The following DPYD variants were observed in gnomAD, a reference collection of about 807,000 sequenced individuals.
The protein encoded by DPYD is dihydropyrimidine dehydrogenase [NADP(+)].
Under a neutral mutation model 116.2 loss-of-function variants are expected in DPYD, and 109 were observed. That is an observed-to-expected ratio of 0.94 (90% CI 0.80 to 1.10). DPYD has a LOEUF of 1.10. DPYD is among the 50% of genes least tolerant of loss of function. The probability of loss-of-function intolerance (pLI) is 0.00; values close to 1 mark genes in which losing one functional copy is unlikely to be tolerated. For synonymous variants in DPYD, 440 were observed against 432.0 expected (o/e 1.02, Z -0.23); for missense variants, 1,302 against 1,254.5 (o/e 1.04, Z -0.57).
chr1:97,198,238 A>T (rs1658950740), intron 19 of DPYD, among the ~76,000 whole-genome samples: 2 of 152,136 alleles, frequency 1.3e-5, no homozygotes, highest in Admixed American at 1.3e-4. Context: ...CAAAGTCTTA[A>T]GCACTGGCAG....
At chr1:97,198,154 T>G (rs1658944101) in intron 19 of DPYD, among the ~76,000 whole-genome samples, 1 of 152,116 alleles carries the variant, frequency 6.6e-6, no homozygotes, top group Non-Finnish European at 1.5e-5. Context: ...TAGAGTGGGA[T>G]CCTGGAGTGA....
chr1:97,192,564 T>G (rs150893141), intron 20 of DPYD, among the ~76,000 whole-genome samples: 1 of 152,294 alleles, frequency 6.6e-6, no homozygotes, highest in African/African-American at 2.4e-5. Flanking sequence ...GTATATTTCT[T>G]GGAAAATAGC....
intron 18 of DPYD, among the ~76,000 whole-genome samples, chr1:97,265,228 A>T (rs1222050423): frequency 6.6e-6 from 1 of 152,102 alleles, no homozygotes; most frequent in African/African-American, 2.4e-5. Flanking sequence ...ATATTATTGC[A>T]TGATTGGCAC....
chr1:97,775,961 C>G (rs1001436650), intron 3 of DPYD, among the ~76,000 whole-genome samples: 1 of 151,766 alleles, frequency 6.6e-6, no homozygotes, highest in African/African-American at 2.4e-5. Context: ...TTTTTACTTA[C>G]GGTGGGTGCA....
At chr1:97,881,083 T>C (rs1011706847) in intron 2 of DPYD, among the ~76,000 whole-genome samples, 1 of 152,028 alleles carries the variant, frequency 6.6e-6, no homozygotes, top group Non-Finnish European at 1.5e-5. Flanking sequence ...AAGTGTTTGA[T>C]AATTTTAAAG....
intron 12 of DPYD, among the ~76,000 whole-genome samples, chr1:97,547,676 TTTGTTG>T (rs138810296): frequency 0.074 from 11,234 of 152,098 alleles, 578 homozygotes; most frequent in Non-Finnish European, 0.11. Context: ...CTCTCGTTGT[TTTGTTG>T]TTGTTGTTGT....
At chr1:97,796,344 A>AAG (rs1246903153) in intron 3 of DPYD, among the ~76,000 whole-genome samples, 51 of 152,248 alleles carry the variant, frequency 3.3e-4, no homozygotes, top group Middle Eastern at 3.4e-3. Flanking sequence ...ATCACATTAA[A>AAG]CTGATCCTTC....
At chr1:97,861,323 T>A (rs961437622) in intron 2 of DPYD, among the ~76,000 whole-genome samples, 1 of 151,838 alleles carries the variant, frequency 6.6e-6, no homozygotes, top group Non-Finnish European at 1.5e-5. Flanking sequence ...TTGTAAAGAC[T>A]TACCAAGTTT....
chr1:97,532,036 T>C (rs1649663001), intron 12 of DPYD, among the ~76,000 whole-genome samples: 1 of 152,004 alleles, frequency 6.6e-6, no homozygotes, highest in Non-Finnish European at 1.5e-5. Context: ...GTTTTCAGGG[T>C]TTTGTATGTA....
chr1:97,858,873 G>C (rs763404655), intron 2 of DPYD, among the ~76,000 whole-genome samples: 1 of 151,980 alleles, frequency 6.6e-6, no homozygotes, highest in Non-Finnish European at 1.5e-5. Flanking sequence ...TGCAGAATGT[G>C]TTTGACAAAT....
chr1:97,681,173 G>C (rs1310347830), intron 7 of DPYD, among the ~76,000 whole-genome samples: 1 of 152,074 alleles, frequency 6.6e-6, no homozygotes, highest in Non-Finnish European at 1.5e-5. Flanking sequence ...AAGGACAAGA[G>C]AGCTTACATA....
rs769847078 is a variant in DPYD, at chr1:97,883,314, T to C, written c.100A>G (p.Lys34Glu). 6.2e-7 allele frequency: 1 copy of C among 1,613,046 alleles called. No individual in the cohort carries two copies. The highest frequency in any genetic ancestry group is 8.5e-7 in the Non-Finnish European group (1 of 1,179,290). Residue 34 changes from lysine to glutamate, a missense_variant, in exon 2 of 23, where the codon AAG becomes GAG. Lys to Glu is a moderately conservative substitution (Grantham distance 56). Coordinates refer to ENST00000370192, the MANE Select transcript of DPYD (RefSeq NM_000110.4). ...THATLCSTSA[K>E]KLDKKHWKRN... ...TTCCAATGTTTCTTGTCTAATTTCT[T>C]GGCCGAAGTGGAACACAGAGTTGCA...
chr1:97,116,616 G>T (rs1001253012), intron 20 of DPYD, among the ~76,000 whole-genome samples: 1 of 151,946 alleles, frequency 6.6e-6, no homozygotes, highest in Non-Finnish European at 1.5e-5. Flanking sequence ...AGGCTGCAGG[G>T]AGCCAGGATT....
chr1:97,530,066 A>G (rs374070814), intron 12 of DPYD, among the ~76,000 whole-genome samples: 12 of 152,116 alleles, frequency 7.9e-5, no homozygotes, highest in Admixed American at 1.3e-4. Flanking sequence ...TATAGAGGGA[A>G]TCATGCAGTA....
At chr1:97,709,509 T>A (rs945486485) in intron 5 of DPYD, among the ~76,000 whole-genome samples, 4 of 151,906 alleles carry the variant, frequency 2.6e-5, no homozygotes, top group Non-Finnish European at 4.4e-5. Context: ...TGATTTCTCA[T>A]CTTTCATTCA....
intron 20 of DPYD, among the ~76,000 whole-genome samples, chr1:97,142,103 C>T (rs1020959694): frequency 2.6e-5 from 4 of 152,078 alleles, no homozygotes; most frequent in Non-Finnish European, 5.9e-5. Context: ...TGAGCTTTAT[C>T]CCCATAGAAT....
intron 18 of DPYD, among the ~76,000 whole-genome samples, chr1:97,277,321 C>T (rs1474129429): frequency 6.6e-6 from 1 of 151,658 alleles, no homozygotes; most frequent in Non-Finnish European, 1.5e-5. Context: ...CACAAATTAC[C>T]CATGTAACAG....
intron 8 of DPYD, among the ~76,000 whole-genome samples, chr1:97,659,792 T>C (rs1027264629): frequency 6.6e-6 from 1 of 152,174 alleles, no homozygotes; most frequent in African/African-American, 2.4e-5. Context: ...CATCGAGTCA[T>C]ACATACATTT....
intron 16 of DPYD, among the ~76,000 whole-genome samples, chr1:97,337,640 A>G (rs1230747611): frequency 1.6e-5 from 2 of 128,336 alleles, no homozygotes. Flanking sequence ...TTGAAGGCTC[A>G]TGACTTAACA....
Sources: allele counts gnomAD v4.1 joint callset (sites outside exome capture counted in the v4.1 genomes callset), GRCh38; gene constraint gnomAD v4.1.1; transcripts MANE v1.5; gene names NCBI Gene and HGNC (gene_info 2026-07-23, HGNC 2026-07-21).